Variants in TRAK1 observed in about 807,000 individuals in gnomAD.
TRAK1 encodes trafficking kinesin protein 1.
In TRAK1, 33 loss-of-function variants were observed where a neutral mutation model predicts 92.1. That is an observed-to-expected ratio of 0.36 (90% confidence interval 0.27 to 0.48). The LOEUF (loss-of-function observed/expected upper bound fraction) is 0.48, where lower values mean the gene tolerates loss of function less well. Among genes scored for constraint, TRAK1 ranks in the 20% least tolerant of loss-of-function variants. The probability of loss-of-function intolerance (pLI) is 0.99; values close to 1 mark genes in which losing one functional copy is unlikely to be tolerated. For synonymous variants in TRAK1, 521 were observed against 517.3 expected, an observed-to-expected ratio of 1.01 and a Z score of -0.10; for missense variants, 1,123 against 1,257.9, an observed-to-expected ratio of 0.89 and a Z score of 1.62.
intron 3 of TRAK1, among the ~76,000 whole-genome samples, chr3:42,178,862 C>A (rs1409821953): frequency 6.6e-6 from 1 of 152,082 alleles, no homozygotes; most frequent in Non-Finnish European, 1.5e-5. Flanking sequence ...GTAATCCCAG[C>A]TACTCGGGAG....
In TRAK1 at chr3:42,194,833, G is replaced by A; in HGVS notation, c.1005G>A (p.Glu335=). The A allele has an allele frequency of 6.2e-7, 1 of 1,613,878 alleles. No individual in the cohort carries two copies. Among genetic ancestry groups the A allele is most frequent in the Non-Finnish European group, 8.5e-7 (1 of 1,179,920 alleles). The stretch of plus-strand genomic sequence containing the variant: ...GTGAGCTGGAGGACAAGTACGCAGA[G>A]TGCATGGAGATGCTGCATGAGGCGC... ...ELRELEDKYA[E]CMEMLHEAQE... Residue 335 remains glutamate (E), a synonymous_variant, in exon 10 of 16, where the codon GAG becomes GAA. Transcript: ENST00000327628.
At chr3:42,087,701 T>C (rs568571257), upstream of TRAK1, among the ~76,000 whole-genome samples, 2 of 152,362 alleles carry the variant, frequency 1.3e-5, no homozygotes, top group Admixed American at 1.3e-4. Flanking sequence ...GCAGCAAGCA[T>C]GGCCCATCAC....
At chr3:42,096,105 C>G (rs1206223518) in intron 1 of TRAK1, among the ~76,000 whole-genome samples, 1 of 152,144 alleles carries the variant, frequency 6.6e-6, no homozygotes, top group Non-Finnish European at 1.5e-5. Flanking sequence ...CTCTAGCAGC[C>G]TGAACAGGCT....
intron 1 of TRAK1, among the ~76,000 whole-genome samples, chr3:42,016,680 C>G (rs965599966): frequency 1.3e-5 from 2 of 152,112 alleles, no homozygotes; most frequent in African/African-American, 4.8e-5. Flanking sequence ...TTTATAGATG[C>G]GATTGTTCTG....
intron 1 of TRAK1, among the ~76,000 whole-genome samples, chr3:42,048,736 GT>G (rs372407419): frequency 1.3e-3 from 193 of 151,932 alleles, no homozygotes; most frequent in African/African-American, 4.5e-3. Context: ...AACAATTTTT[GT>G]ATTTTTAGTA....
At chr3:42,166,497 G>A (rs1330197967) in intron 2 of TRAK1, among the ~76,000 whole-genome samples, 3 of 152,194 alleles carry the variant, frequency 2.0e-5, no homozygotes, top group South Asian at 2.1e-4. Context: ...TGTCTCTCTC[G>A]ACCTTGGACG....
intron 1 of TRAK1, among the ~76,000 whole-genome samples, chr3:42,120,055 AAAAT>A (rs1440910172): frequency 6.6e-5 from 10 of 152,332 alleles, no homozygotes; most frequent in Admixed American, 2.0e-4. Context: ...AAAAAATAAA[AAAAT>A]AAATAAATAA....
At chr3:42,151,164 G>A (rs1038528852) in intron 2 of TRAK1, among the ~76,000 whole-genome samples, 1 of 152,232 alleles carries the variant, frequency 6.6e-6, no homozygotes, top group Non-Finnish European at 1.5e-5. Flanking sequence ...CTCTGTGGAT[G>A]CCATCCTAGA....
Position 42,125,418 on chromosome 3 carries a change from A to C in TRAK1, c.92-2A>C. ...CTCATTTCTTGGTTGTCTTGTCTTT[A>C]GATGTGTGCAACAGCACCGATCTTC... On this transcript the variant is annotated splice_acceptor_variant, in intron 1 of 15. Coordinates refer to ENST00000327628, the MANE Select transcript of TRAK1 (RefSeq NM_001042646.3). LOFTEE classifies it high-confidence loss of function. 1 of 1,613,534 alleles carries C rather than the reference A, an allele frequency of 6.2e-7. No individual in the cohort carries two copies. The highest frequency in any genetic ancestry group is 8.5e-7 in the Non-Finnish European group (1 of 1,179,820).
chr3:42,045,628 A>G (rs1409347321), intron 1 of TRAK1, among the ~76,000 whole-genome samples: 1 of 152,222 alleles, frequency 6.6e-6, no homozygotes, highest in East Asian at 1.9e-4. Context: ...CCCTTTGCCT[A>G]ATGCTAATGC....
At chr3:42,143,838 A>T (rs570933704) in intron 2 of TRAK1, among the ~76,000 whole-genome samples, 1 of 152,266 alleles carries the variant, frequency 6.6e-6, no homozygotes, top group Non-Finnish European at 1.5e-5. Context: ...CTTGGATTTT[A>T]ATTGTGAAAC....
chr3:42,135,056 G>A (rs185084265), intron 2 of TRAK1, among the ~76,000 whole-genome samples: 1 of 152,278 alleles, frequency 6.6e-6, no homozygotes, highest in Admixed American at 6.5e-5. Context: ...TGGGGGCCAT[G>A]GCAAGTGCAG....
Position 42,200,456 on chromosome 3 carries a change from G to A in TRAK1, c.1191-362G>A, listed in dbSNP as rs370501627. Among the ~76,000 whole-genome samples the A allele has an allele frequency of 2.6e-4, 39 of 152,244 alleles. No individual in the cohort carries two copies. In the East Asian group the frequency reaches 3.7e-3, roughly 14 times the overall value. On this transcript the variant is annotated intron_variant, in intron 11 of 15. Coordinates refer to ENST00000327628, the MANE Select transcript of TRAK1 (RefSeq NM_001042646.3). The stretch of plus-strand genomic sequence containing the variant: ...GCAGTAAACACTGCCCTGCTGCAGC[G>A]TTTATTCTAGTGAATATTATGAAAA...
At chr3:42,046,010 T>C (rs1225401758) in intron 1 of TRAK1, among the ~76,000 whole-genome samples, 1 of 152,208 alleles carries the variant, frequency 6.6e-6, no homozygotes, top group Non-Finnish European at 1.5e-5. Context: ...GCTTTTTGCT[T>C]ATGTGGACTT....
intron 10 of TRAK1, 121 bp from the exon 11 acceptor site, chr3:42,199,056 A>G: frequency 1.1e-6 from 1 of 924,862 alleles, no homozygotes; most frequent in Middle Eastern, 3.3e-4. Context: ...TGTTGTGGGA[A>G]GACCGTGAGC....
chr3:42,070,119 G>A (rs577893019), intron 1 of TRAK1, among the ~76,000 whole-genome samples: 1 of 151,794 alleles, frequency 6.6e-6, no homozygotes, highest in Admixed American at 6.6e-5. Context: ...CACAAAGGCC[G>A]GGATTACAGG....
chr3:42,089,342 T>C (rs1177391481), upstream of TRAK1, among the ~76,000 whole-genome samples: 1 of 152,150 alleles, frequency 6.6e-6, no homozygotes, highest in East Asian at 1.9e-4. Flanking sequence ...TGGGGCCTCT[T>C]ACTGCTACCC....
At chr3:42,086,841 T>G (rs2148957544), upstream of TRAK1, among the ~76,000 whole-genome samples, 1 of 152,318 alleles carries the variant, frequency 6.6e-6, no homozygotes, top group African/African-American at 2.4e-5. Flanking sequence ...TTTCTTTGCT[T>G]AGAGCTGCTT....
intron 3 of TRAK1, among the ~76,000 whole-genome samples, chr3:42,179,925 G>T (rs573192101): frequency 6.6e-6 from 1 of 151,870 alleles, no homozygotes; most frequent in African/African-American, 2.4e-5. Context: ...TAGGGATGGT[G>T]TCTCACTATG....
Sources: allele counts gnomAD v4.1 joint callset (sites outside exome capture counted in the v4.1 genomes callset), GRCh38; gene constraint gnomAD v4.1.1; transcripts MANE v1.5; gene names NCBI Gene and HGNC (gene_info 2026-07-23, HGNC 2026-07-21).